Variants in TMEM132D observed in about 807,000 individuals in gnomAD.
TMEM132D encodes the protein transmembrane protein 132D, also known as mature OL transmembrane protein.
A neutral mutation model predicts 62.3 loss-of-function variants in TMEM132D; 21 were observed. The observed-to-expected ratio is 0.34, with a 90% confidence interval of 0.24 to 0.49. The LOEUF (loss-of-function observed/expected upper bound fraction) is 0.49, where lower values mean the gene tolerates loss of function less well. Ranked by LOEUF, TMEM132D falls within the 20% of genes least tolerant of loss-of-function variation. The probability of loss-of-function intolerance (pLI) is 0.99; values close to 1 mark genes in which losing one functional copy is unlikely to be tolerated. For missense variants in TMEM132D, 1,346 were observed against 1,402.8 expected (o/e 0.96, Z 0.65); for synonymous variants, 621 against 575.6 (o/e 1.08, Z -1.13).
intron 2 of TMEM132D, among the ~76,000 whole-genome samples, chr12:129,595,731 G>C (rs76484919): frequency 6.6e-6 from 1 of 152,182 alleles, no homozygotes; most frequent in African/African-American, 2.4e-5. Context: ...TAGGTGTGTG[G>C]AACAGAGCCA....
chr12:129,299,584 G>A (rs1215351597), intron 4 of TMEM132D, among the ~76,000 whole-genome samples: 1 of 150,042 alleles, frequency 6.7e-6, no homozygotes, highest in Admixed American at 6.6e-5. Flanking sequence ...TCATGGGAGA[G>A]CCCCACCCCA....
chr12:129,334,788 C>T (rs926309000), intron 4 of TMEM132D, among the ~76,000 whole-genome samples: 1 of 152,162 alleles, frequency 6.6e-6, no homozygotes, highest in Admixed American at 6.5e-5. Flanking sequence ...CAAGGTTTCA[C>T]CATGTTGGCC....
chr12:129,751,285 G>A (rs1280675511), intron 1 of TMEM132D, among the ~76,000 whole-genome samples: 2 of 152,186 alleles, frequency 1.3e-5, no homozygotes, highest in African/African-American at 4.8e-5. Flanking sequence ...AACCATGGCA[G>A]AGCAGGAGAG....
intron 3 of TMEM132D, among the ~76,000 whole-genome samples, chr12:129,433,507 A>T (rs1349183918): frequency 2.0e-5 from 3 of 152,092 alleles, no homozygotes; most frequent in Admixed American, 2.0e-4. Context: ...TCCTTGTGTC[A>T]GGAGAGCTTG....
At chr12:129,259,671 G>A (rs1310998100) in intron 4 of TMEM132D, among the ~76,000 whole-genome samples, 2 of 152,184 alleles carry the variant, frequency 1.3e-5, no homozygotes, top group Admixed American at 6.5e-5. Context: ...TGGCCCAGGT[G>A]TAAAATGGAG....
At chr12:129,760,437 C>T (rs923438759) in intron 1 of TMEM132D, among the ~76,000 whole-genome samples, 36 of 149,252 alleles carry the variant, frequency 2.4e-4, no homozygotes, top group African/African-American at 7.8e-4. Flanking sequence ...GTTCACGCCA[C>T]TCTCCTTCCT....
intron 8 of TMEM132D, among the ~76,000 whole-genome samples, chr12:129,077,016 T>C (rs1170664140): frequency 6.6e-6 from 1 of 152,244 alleles, no homozygotes; most frequent in Non-Finnish European, 1.5e-5. Context: ...GTTATTGGGA[T>C]CAACCACTTT....
At chr12:129,617,987 C>T (rs973294704) in intron 2 of TMEM132D, among the ~76,000 whole-genome samples, 20 of 152,168 alleles carry the variant, frequency 1.3e-4, no homozygotes, top group African/African-American at 4.3e-4. Flanking sequence ...TCTGTGGCCT[C>T]GACATCGGCA....
At chr12:129,669,668 G>C (rs1430411970) in intron 2 of TMEM132D, among the ~76,000 whole-genome samples, 1 of 152,014 alleles carries the variant, frequency 6.6e-6, no homozygotes, top group Admixed American at 6.6e-5. Flanking sequence ...TTATGCCACT[G>C]CACTCCAGCC....
Position 129,525,023 on chromosome 12 carries a change from T to A in TMEM132D, c.1115+6036A>T, listed in dbSNP as rs575422834. Among the ~76,000 whole-genome samples the A allele has an allele frequency of 9.5e-4, 134 of 141,612 alleles. 1 individual carries two copies. Among genetic ancestry groups the A allele is most frequent in the African/African-American group, 3.2e-3 (120 of 37,712 alleles). 92.9% of individuals were successfully genotyped at this position (141,612 alleles called of 152,430 possible). A position where few individuals can be genotyped will look rare whatever the true frequency, so the allele number is the denominator to read the frequency against. ...TCACTGCAAGCTCCGCCTCCCGGGT[T>A]CAAGCGACTCCCCTGCTTCAGCCTC... On this transcript the variant is annotated intron_variant, in intron 3 of 8. Coordinates refer to ENST00000422113, the MANE Select transcript of TMEM132D (RefSeq NM_133448.3).
intron 2 of TMEM132D, among the ~76,000 whole-genome samples, chr12:129,581,565 AG>A (rs1877864638): frequency 1.3e-5 from 2 of 151,938 alleles, no homozygotes; most frequent in African/African-American, 2.4e-5. Flanking sequence ...CAAAAGCTGA[AG>A]AACATGCAGC....
chr12:129,698,175 C>G (rs1417442723), intron 2 of TMEM132D: 1 of 152,062 alleles, frequency 6.6e-6, no homozygotes, highest in East Asian at 2.0e-4. Flanking sequence ...AAACACAAAG[C>G]TAGCAGACCT....
At chr12:129,605,604 T>TATATATATATATATATACACAC (rs150550863) in intron 2 of TMEM132D, among the ~76,000 whole-genome samples, 41 of 106,264 alleles carry the variant, frequency 3.9e-4, no homozygotes, top group African/African-American at 1.6e-3. Context: ...TATATATATA[T>TATATATATATATATATACACAC]ACACACACAT....
intron 3 of TMEM132D, among the ~76,000 whole-genome samples, chr12:129,363,768 A>T (rs1160379465): frequency 6.6e-6 from 1 of 152,348 alleles, no homozygotes. Context: ...AATGTCAATT[A>T]ATTTCTTGGT....
intron 3 of TMEM132D, among the ~76,000 whole-genome samples, chr12:129,457,340 A>G (rs901467739): frequency 3.3e-5 from 5 of 150,190 alleles, no homozygotes; most frequent in Admixed American, 2.0e-4. Flanking sequence ...TATTGCAAGG[A>G]CAAAAAACCA....
At chr12:129,628,582 TA>T (rs1463643742) in intron 2 of TMEM132D, among the ~76,000 whole-genome samples, 21 of 152,172 alleles carry the variant, frequency 1.4e-4, no homozygotes, top group Admixed American at 1.4e-3. Flanking sequence ...GATTCCACAG[TA>T]AACCAGACAG....
intron 2 of TMEM132D, among the ~76,000 whole-genome samples, chr12:129,670,532 C>G (rs1390272900): frequency 6.6e-6 from 1 of 152,074 alleles, no homozygotes; most frequent in Non-Finnish European, 1.5e-5. Flanking sequence ...GCCTCGACTC[C>G]CTGTGATTTC....
intron 5 of TMEM132D, chr12:129,110,783 G>T (rs539933125): frequency 6.6e-6 from 1 of 152,274 alleles, no homozygotes; most frequent in Non-Finnish European, 1.5e-5. Flanking sequence ...GGAGTCACCG[G>T]GCGCTGGCTG....
At chr12:129,870,612 T>G (rs1370337160) in intron 1 of TMEM132D, among the ~76,000 whole-genome samples, 1 of 152,192 alleles carries the variant, frequency 6.6e-6, no homozygotes, top group Non-Finnish European at 1.5e-5. Context: ...CATGTGGCGC[T>G]TCCTGAGTTA....
Sources: allele counts gnomAD v4.1 joint callset (sites outside exome capture counted in the v4.1 genomes callset), GRCh38; gene constraint gnomAD v4.1.1; transcripts MANE v1.5; gene names NCBI Gene and HGNC (gene_info 2026-07-23, HGNC 2026-07-21).